The following ERC1 variants were observed in gnomAD, a reference collection of about 807,000 sequenced individuals.
The protein encoded by ERC1 is ELKS/RAB6-interacting/CAST family member 1.
In ERC1, 56 loss-of-function variants were observed where a neutral mutation model predicts 132.0. That is an observed-to-expected ratio of 0.42 (90% CI 0.34 to 0.53). The LOEUF (loss-of-function observed/expected upper bound fraction) is 0.53. Among genes scored for constraint, ERC1 ranks in the 20% least tolerant of loss-of-function variants. The probability of loss-of-function intolerance (pLI) is 0.03; values close to 1 mark genes in which losing one functional copy is unlikely to be tolerated. For missense variants in ERC1, 1,202 were observed against 1,349.9 expected, an observed-to-expected ratio of 0.89 and a Z score of 1.72; for synonymous variants, 478 against 476.1, an observed-to-expected ratio of 1.00 and a Z score of -0.05.
chr12:1,003,096 C>CAAAAAAAAAAAAAAAAAAA (rs59507923), intron 1 of ERC1, among the ~76,000 whole-genome samples: 4 of 86,902 alleles, frequency 4.6e-5, no homozygotes, highest in African/African-American at 1.0e-4. Context: ...ATGAAAAATG[C>CAAAAAAAAAAAAAAAAAAA]AAAAAAAAAA....
rs115141068 is a variant in ERC1, at chr12:1,178,196, T to C, written c.1738-2344T>C. Among the ~76,000 whole-genome samples the C allele has an allele frequency of 8.1e-3, 1,233 of 152,318 alleles. 21 individuals are homozygous for C. The highest frequency in any genetic ancestry group is 0.028 in the African/African-American group (1,143 of 41,560). ...CGAGTTCTTCTTGACTCTAGAGAGGTACCTTAAAGAGCTTGTACTAAATTT... is the reference window on the plus strand; with the variant it reads ...CGAGTTCTTCTTGACTCTAGAGAGGCACCTTAAAGAGCTTGTACTAAATTT... On this transcript the variant is annotated intron_variant, in intron 8 of 18. Coordinates refer to ENST00000360905, the MANE Select transcript of ERC1 (RefSeq NM_178040.4).
chr12:1,094,355 G>A (rs556206625), intron 3 of ERC1, among the ~76,000 whole-genome samples: 1 of 150,888 alleles, frequency 6.6e-6, no homozygotes, highest in South Asian at 2.1e-4. Flanking sequence ...GTCTTTTGTA[G>A]CAATTTTGGA....
rs1259655766 is a variant in ERC1, at chr12:1,027,867, T to C, written c.-37T>C. On this transcript the variant is annotated 5_prime_UTR_variant, in exon 2 of 19. Transcript: ENST00000360905. Reference sequence around the variant, plus strand: ...GTTCCCATTTTTGTTGTTGTTGTTGTTGATTTTCTGCTCACACCTTTCCTG... The same window carrying C: ...GTTCCCATTTTTGTTGTTGTTGTTGCTGATTTTCTGCTCACACCTTTCCTG... The C allele has an allele frequency of 2.0e-6, 3 of 1,536,282 alleles. No homozygotes were observed. The highest frequency in any genetic ancestry group is 4.5e-5 in the East Asian group (2 of 44,134).
intron 2 of ERC1, among the ~76,000 whole-genome samples, chr12:1,057,071 G>A (rs1973103336): frequency 6.6e-6 from 1 of 152,148 alleles, no homozygotes; most frequent in African/African-American, 2.4e-5. Flanking sequence ...ATTTAGCATA[G>A]GAAACATGGC....
At chr12:1,467,899 C>T (rs1253404051) in intron 18 of ERC1, among the ~76,000 whole-genome samples, 1 of 152,190 alleles carries the variant, frequency 6.6e-6, no homozygotes, top group Non-Finnish European at 1.5e-5. Context: ...GAATCTAATG[C>T]CTCAGCTGAT....
At chr12:1,387,486 T>G (rs1286623749) in intron 16 of ERC1, among the ~76,000 whole-genome samples, 1 of 152,210 alleles carries the variant, frequency 6.6e-6, no homozygotes, top group African/African-American at 2.4e-5. Flanking sequence ...ATAAAGGGTC[T>G]TTGCAGATGG....
chr12:1,132,148 G>A (rs1593560445), intron 7 of ERC1, among the ~76,000 whole-genome samples: 1 of 152,112 alleles, frequency 6.6e-6, no homozygotes, highest in Non-Finnish European at 1.5e-5. Context: ...AATTAATCTG[G>A]TAGTAGCAAA....
chr12:1,182,787 A>G (rs555689589), intron 10 of ERC1, among the ~76,000 whole-genome samples: 91 of 152,038 alleles, frequency 6.0e-4, no homozygotes, highest in Admixed American at 9.2e-4. Flanking sequence ...TCAGTCTTCC[A>G]TGTAGCTAGG....
chr12:1,180,693 C>G lies in ERC1; in HGVS notation c.1875+16C>G. On this transcript the variant is annotated intron_variant, in intron 9 of 18. Coordinates refer to ENST00000360905, the MANE Select transcript of ERC1 (RefSeq NM_178040.4). ...TGCAGAGAAAGTGAGTGGCTGGCCC[C>G]AACTCTCCACACACGTTTTCTGCTT... is the stretch of plus-strand genomic sequence containing the variant. 1 of 1,613,764 alleles carries G rather than the reference C, an allele frequency of 6.2e-7. No individual in the cohort carries two copies. Among genetic ancestry groups the G allele is most frequent in the Non-Finnish European group, 8.5e-7 (1 of 1,179,880 alleles).
chr12:1,238,204 A>G (rs983966577), intron 13 of ERC1, among the ~76,000 whole-genome samples: 4 of 150,748 alleles, frequency 2.7e-5, no homozygotes, highest in African/African-American at 9.8e-5. Context: ...TGAGTGGTAA[A>G]TATTTCATTC....
chr12:1,177,289 G>T (rs1953844804), intron 8 of ERC1, among the ~76,000 whole-genome samples: 1 of 152,136 alleles, frequency 6.6e-6, no homozygotes. Flanking sequence ...TGACTGTTTG[G>T]TTCCAGAGGC....
chr12:1,480,937 C>G (rs1477966399), intron 18 of ERC1: 1 of 702,360 alleles, frequency 1.4e-6, no homozygotes, highest in Non-Finnish European at 2.6e-6. Context: ...CCCCCTTACT[C>G]TGGGCAGTCT....
At chr12:1,341,977 A>C (rs905404386) in intron 15 of ERC1, among the ~76,000 whole-genome samples, 10 of 151,978 alleles carry the variant, frequency 6.6e-5, no homozygotes, top group African/African-American at 2.2e-4. Context: ...AACAGTTTCT[A>C]CTCTCTTCTG....
intron 2 of ERC1, among the ~76,000 whole-genome samples, chr12:1,065,777 C>G (rs1036732062): frequency 6.6e-5 from 10 of 152,018 alleles, no homozygotes; most frequent in Non-Finnish European, 1.5e-4. Flanking sequence ...GCAGGTATAT[C>G]TACAGTATTG....
At chr12:1,059,276 G>C (rs541567003) in intron 2 of ERC1, among the ~76,000 whole-genome samples, 1 of 152,188 alleles carries the variant, frequency 6.6e-6, no homozygotes, top group Admixed American at 6.5e-5. Flanking sequence ...CATGTTGTCT[G>C]CAAACAGGGA....
At chr12:1,038,684 A>G (rs1399780945) in intron 2 of ERC1, among the ~76,000 whole-genome samples, 2 of 152,158 alleles carry the variant, frequency 1.3e-5, no homozygotes, top group Non-Finnish European at 2.9e-5. Flanking sequence ...TGATTTACTC[A>G]ATGAAGATTT....
intron 18 of ERC1, among the ~76,000 whole-genome samples, chr12:1,462,934 T>G (rs1284024586): frequency 7.0e-6 from 1 of 142,000 alleles, no homozygotes; most frequent in Non-Finnish European, 1.5e-5. Flanking sequence ...AGTACAAATT[T>G]CTTTTTTTTT....
intron 16 of ERC1, among the ~76,000 whole-genome samples, chr12:1,383,776 A>C (rs1020543709): frequency 6.6e-5 from 10 of 152,220 alleles, no homozygotes; most frequent in Non-Finnish European, 1.5e-4. Flanking sequence ...TTATCACATG[A>C]CTTTCTGGAA....
At chr12:1,484,276 G>GC (rs1382473539) in intron 18 of ERC1, among the ~76,000 whole-genome samples, 6 of 151,022 alleles carry the variant, frequency 4.0e-5, no homozygotes, top group East Asian at 4.0e-4. Context: ...CTGCACTCCA[G>GC]CCTGGTGACA....
Sources: allele counts gnomAD v4.1 joint callset (sites outside exome capture counted in the v4.1 genomes callset), GRCh38; gene constraint gnomAD v4.1.1; transcripts MANE v1.5; gene names NCBI Gene and HGNC (gene_info 2026-07-23, HGNC 2026-07-21).